DDR2: variants seen among roughly 807,000 people sequenced by gnomAD.
DDR2 encodes the protein discoidin domain-containing receptor 2.
DDR2 carries 27 observed loss-of-function variants against 94.9 expected under a neutral mutation model. The observed-to-expected ratio is 0.28, with a 90% confidence interval of 0.21 to 0.39. DDR2 has a LOEUF of 0.39. Ranked by LOEUF, DDR2 falls within the 10% of genes least tolerant of loss-of-function variation. DDR2 has a pLI of 1.00. For missense variants in DDR2, 783 were observed against 1,076.0 expected, an observed-to-expected ratio of 0.73 and a Z score of 3.81; for synonymous variants, 382 against 377.2, an observed-to-expected ratio of 1.01 and a Z score of -0.15.
At chr1:162,778,869 G>A in intron 17 of DDR2, 140 bp downstream of exon 17, 1 of 1,162,628 alleles carries the variant, frequency 8.6e-7, no homozygotes, top group Non-Finnish European at 1.3e-6. Context: ...CTATCCAGAT[G>A]ATGTGAAAGA....
Position 162,784,504 on chromosome 1 carries a change from A to G in DDR2, c.*4258A>G, listed in dbSNP as rs1423675655. 6.5e-6 allele frequency: 1 copy of G among 152,862 alleles called. No homozygotes were observed. The highest frequency in any genetic ancestry group is 6.6e-5 in the Admixed American group (1 of 15,202). The allele number at this position is 152,862 out of a possible 1,614,324, so 9.5% of individuals were successfully genotyped here. A position where few individuals can be genotyped will look rare whatever the true frequency, so the allele number is the denominator to read the frequency against. ...TATTTTTGCTGGGAAATCCTTCTAAATAGAAATGTAACATTTTTATAAAAA... is the reference window on the plus strand; with the variant it reads ...TATTTTTGCTGGGAAATCCTTCTAAGTAGAAATGTAACATTTTTATAAAAA... On this transcript the variant is annotated 3_prime_UTR_variant, in exon 18 of 18. Transcript: ENST00000367921.
intron 2 of DDR2, among the ~76,000 whole-genome samples, chr1:162,689,517 G>A (rs1180902256): frequency 2.0e-5 from 3 of 151,864 alleles, no homozygotes; most frequent in Non-Finnish European, 4.4e-5. Context: ...CTTTTTAGGG[G>A]ATAAAGTACA....
intron 2 of DDR2, among the ~76,000 whole-genome samples, chr1:162,658,717 A>G (rs1011079624): frequency 3.3e-5 from 5 of 149,726 alleles, no homozygotes; most frequent in Non-Finnish European, 7.4e-5. Flanking sequence ...CGTTCCAGCT[A>G]CTGGGGAGGC....
chr1:162,702,299 A>G (rs1571217930), intron 2 of DDR2, among the ~76,000 whole-genome samples: 1 of 152,214 alleles, frequency 6.6e-6, no homozygotes, highest in South Asian at 2.1e-4. Context: ...GAATTCTCCC[A>G]TCAGCTGGAG....
At chr1:162,698,803 T>C (rs1033680960) in intron 2 of DDR2, among the ~76,000 whole-genome samples, 1 of 152,206 alleles carries the variant, frequency 6.6e-6, no homozygotes, top group African/African-American at 2.4e-5. Flanking sequence ...CAGAGGATTC[T>C]TCCCAGTCAT....
intron 16 of DDR2, among the ~76,000 whole-genome samples, chr1:162,776,992 C>T (rs1231436223): frequency 6.6e-6 from 1 of 152,158 alleles, no homozygotes; most frequent in Non-Finnish European, 1.5e-5. Context: ...TTACTTCCTA[C>T]AATGCCATGT....
intron 3 of DDR2, among the ~76,000 whole-genome samples, chr1:162,751,994 C>G (rs781082852): frequency 6.6e-6 from 1 of 151,776 alleles, no homozygotes; most frequent in Non-Finnish European, 1.5e-5. Context: ...TGGGGCCTGT[C>G]GTGGGGTGAG....
chr1:162,700,042 G>A (rs984188333), intron 2 of DDR2, among the ~76,000 whole-genome samples: 19 of 152,274 alleles, frequency 1.2e-4, no homozygotes, highest in African/African-American at 4.6e-4. Flanking sequence ...CAAAGCATCT[G>A]CAACTCTATT....
At chr1:162,723,226 G>A (rs1335558188) in intron 3 of DDR2, among the ~76,000 whole-genome samples, 1 of 152,110 alleles carries the variant, frequency 6.6e-6, no homozygotes, top group African/African-American at 2.4e-5. Flanking sequence ...CTGAGAGGAG[G>A]GTGAGGAACA....
In DDR2 at chr1:162,737,636, T is replaced by C. The variant is rs1366364923; in HGVS notation, c.83-15459T>C. 5.6e-4 allele frequency among the ~76,000 whole-genome samples: 64 copies of C among 114,786 alleles called. 1 individual carries two copies. The highest frequency in any genetic ancestry group is 2.0e-3 in the African/African-American group (59 of 29,708). 75.3% of individuals were successfully genotyped at this position (114,786 alleles called of 152,430 possible). The stretch of plus-strand genomic sequence containing the variant: ...ATAAACATACGTGTGCATGTGTCTT[T>C]ATAGCAGCATGATTTATAGTCATTT... On this transcript the variant is annotated intron_variant, in intron 3 of 17. Coordinates refer to ENST00000367921, the MANE Select transcript of DDR2 (RefSeq NM_006182.4).
intron 2 of DDR2, among the ~76,000 whole-genome samples, chr1:162,658,161 G>T (rs1266224997): frequency 6.6e-6 from 1 of 152,122 alleles, no homozygotes; most frequent in African/African-American, 2.4e-5. Flanking sequence ...AGTGGCCTAG[G>T]AATGGTGTGT....
chr1:162,680,986 C>T (rs568068341), intron 2 of DDR2, among the ~76,000 whole-genome samples: 1 of 152,128 alleles, frequency 6.6e-6, no homozygotes, highest in East Asian at 1.9e-4. Flanking sequence ...ACGTGAACAT[C>T]GACGTCTGCT....
intron 2 of DDR2, among the ~76,000 whole-genome samples, chr1:162,703,605 A>T (rs1268660349): frequency 6.6e-6 from 1 of 152,232 alleles, no homozygotes; most frequent in East Asian, 1.9e-4. Context: ...AGGTGAATTC[A>T]TGAATATTTC....
intron 2 of DDR2, among the ~76,000 whole-genome samples, chr1:162,682,788 T>C (rs1659472312): frequency 6.6e-6 from 1 of 152,236 alleles, no homozygotes; most frequent in South Asian, 2.1e-4. Context: ...TACTGATGTT[T>C]AACTTTTTTG....
intron 2 of DDR2, among the ~76,000 whole-genome samples, chr1:162,670,475 T>A (rs1658779613): frequency 6.6e-6 from 1 of 152,170 alleles, no homozygotes; most frequent in Admixed American, 6.5e-5. Flanking sequence ...ATGATCTTCC[T>A]CACGTAAAGT....
intron 2 of DDR2, among the ~76,000 whole-genome samples, chr1:162,714,152 A>G (rs533487104): frequency 1.5e-4 from 23 of 152,334 alleles, no homozygotes; most frequent in African/African-American, 5.3e-4. Flanking sequence ...GGCTTTTAAA[A>G]AATGATTTAT....
intron 11 of DDR2, 21 bp downstream of exon 11, chr1:162,767,380 C>A (rs2102173575): frequency 6.2e-7 from 1 of 1,613,142 alleles, no homozygotes; most frequent in South Asian, 1.1e-5. Context: ...GCAGAATGGT[C>A]ATGATATAAG....
Position 162,780,352 on chromosome 1 carries a change from G to A in DDR2, c.*106G>A, listed in dbSNP as rs1647829971. 3.9e-6 allele frequency: 6 copies of A among 1,542,620 alleles called. No homozygotes were observed. In the Admixed American group the frequency reaches 1.1e-4, roughly 28 times the overall value. On this transcript the variant is annotated 3_prime_UTR_variant, in exon 18 of 18. Coordinates refer to ENST00000367921, the MANE Select transcript of DDR2 (RefSeq NM_006182.4). The stretch of plus-strand genomic sequence containing the variant: ...ATCTGGACATTTAATGAAACTGAGA[G>A]ACAGAGGCTTGTTTGCTTTGCCCTC...
At chr1:162,775,942 G>A in intron 15 of DDR2, 99 bp downstream of exon 15, 1 of 1,509,152 alleles carries the variant, frequency 6.6e-7, no homozygotes, top group Non-Finnish European at 9.1e-7. Context: ...TCAATGTTCT[G>A]GGATGGTGGG....
Sources: allele counts gnomAD v4.1 joint callset (sites outside exome capture counted in the v4.1 genomes callset), GRCh38; gene constraint gnomAD v4.1.1; transcripts MANE v1.5; gene names NCBI Gene and HGNC (gene_info 2026-07-23, HGNC 2026-07-21).